GHR: variants seen among roughly 807,000 people sequenced by gnomAD.
GHR encodes the protein growth hormone receptor, also known as GH receptor.
Under a neutral mutation model 67.1 loss-of-function variants are expected in GHR, and 35 were observed. The ratio of observed to expected loss-of-function variants is 0.52; its 90% CI spans 0.40 to 0.69. The LOEUF (loss-of-function observed/expected upper bound fraction) is 0.69, where lower values mean the gene tolerates loss of function less well. Ranked by LOEUF, GHR falls within the 30% of genes least tolerant of loss-of-function variation. The pLI is 0.00. For synonymous variants in GHR, 272 were observed against 269.1 expected, an observed-to-expected ratio of 1.01 and a Z score of -0.10; for missense variants, 792 against 764.6, an observed-to-expected ratio of 1.04 and a Z score of -0.42.
At chr5:42,664,038 G>A (rs1353062526) in intron 3 of GHR, among the ~76,000 whole-genome samples, 1 of 152,162 alleles carries the variant, frequency 6.6e-6, no homozygotes, top group Non-Finnish European at 1.5e-5. Context: ...ACTTACAAGG[G>A]ACATGAAGGA....
intron 1 of GHR, among the ~76,000 whole-genome samples, chr5:42,456,605 TAAAC>T (rs756483060): frequency 6.6e-5 from 10 of 152,208 alleles, no homozygotes; most frequent in Admixed American, 1.3e-4. Context: ...TGGTAAAAAT[TAAAC>T]AAAGTAAACG....
intron 2 of GHR, among the ~76,000 whole-genome samples, chr5:42,578,620 G>A (rs963065981): frequency 2.6e-5 from 4 of 152,146 alleles, no homozygotes; most frequent in African/African-American, 7.2e-5. Context: ...TACAGTTGAA[G>A]CTCTATAACA....
intron 2 of GHR, among the ~76,000 whole-genome samples, chr5:42,600,918 C>CTTTTTTT (rs933355797): frequency 0.021 from 1,422 of 66,784 alleles, 16 homozygotes; most frequent in Middle Eastern, 0.03. Context: ...TCTTTCTATT[C>CTTTTTTT]TTTTTTTTTT....
At chr5:42,443,222 T>C (rs1743656851) in intron 1 of GHR, among the ~76,000 whole-genome samples, 1 of 152,192 alleles carries the variant, frequency 6.6e-6, no homozygotes, top group Non-Finnish European at 1.5e-5. Context: ...GTCTTGAGCC[T>C]AGTTGAAATT....
rs761241887 is a variant in GHR, at chr5:42,688,757, G to A, written c.137-133G>A. 125 of 859,916 alleles carry A rather than the reference G, an allele frequency of 1.5e-4. 1 individual carries two copies. The highest frequency in any genetic ancestry group is 9.7e-4 in the Middle Eastern group (3 of 3,080). 53.3% of individuals were successfully genotyped at this position (859,916 alleles called of 1,614,324 possible). ...GAAAAATGCTTTTCTGGAAGACATCGGCATTACCTCCTAGACACGGAATAC... is the reference window on the plus strand; with the variant it reads ...GAAAAATGCTTTTCTGGAAGACATCAGCATTACCTCCTAGACACGGAATAC... On this transcript the variant is annotated intron_variant, in intron 3 of 9. Coordinates refer to ENST00000230882, the MANE Select transcript of GHR (RefSeq NM_000163.5).
intron 2 of GHR, among the ~76,000 whole-genome samples, chr5:42,571,461 A>T (rs1750309406): frequency 6.6e-6 from 1 of 152,202 alleles, no homozygotes; most frequent in South Asian, 2.1e-4. Flanking sequence ...TGTCATTGCT[A>T]GAGTATGTAC....
At chr5:42,442,800 CA>C (rs1343618140) in intron 1 of GHR, among the ~76,000 whole-genome samples, 3 of 152,132 alleles carry the variant, frequency 2.0e-5, no homozygotes, top group Non-Finnish European at 4.4e-5. Context: ...AACACAAACA[CA>C]GAAAGAAGTT....
intron 6 of GHR, among the ~76,000 whole-genome samples, chr5:42,700,842 GT>G (rs1757897537): frequency 6.6e-6 from 1 of 152,134 alleles, no homozygotes. Flanking sequence ...GGAAAGTTAA[GT>G]TTGGAGGAAA....
intron 1 of GHR, among the ~76,000 whole-genome samples, chr5:42,484,567 T>G (rs890363344): frequency 3.3e-5 from 5 of 152,232 alleles, no homozygotes; most frequent in Non-Finnish European, 7.3e-5. Flanking sequence ...CTCTTTTGTC[T>G]TCAGTGTGAC....
chr5:42,465,965 A>G, intron 1 of GHR: 1 of 662,820 alleles, frequency 1.5e-6, no homozygotes, highest in South Asian at 1.8e-5. Context: ...TTCACCGTGA[A>G]GTTGTTGAGC....
At chr5:42,589,857 A>G (rs1405167009) in intron 2 of GHR, among the ~76,000 whole-genome samples, 2 of 152,226 alleles carry the variant, frequency 1.3e-5, no homozygotes, top group African/African-American at 2.4e-5. Flanking sequence ...GGAAAGAGCC[A>G]GTGAAATAAA....
intron 2 of GHR, among the ~76,000 whole-genome samples, chr5:42,579,077 AGATAGAT>A (rs1451504603): frequency 1.4e-4 from 6 of 44,016 alleles, no homozygotes; most frequent in Non-Finnish European, 2.0e-4. Flanking sequence ...CTGACACTAT[AGATAGAT>A]AGATAGATAG....
intron 1 of GHR, among the ~76,000 whole-genome samples, chr5:42,525,766 G>A (rs1453743418): frequency 6.6e-6 from 1 of 152,154 alleles, no homozygotes; most frequent in African/African-American, 2.4e-5. Flanking sequence ...TTCCTGTGCT[G>A]TTCTCATGAT....
chr5:42,541,142 A>C (rs1748499742), intron 1 of GHR, among the ~76,000 whole-genome samples: 1 of 152,192 alleles, frequency 6.6e-6, no homozygotes, highest in African/African-American at 2.4e-5. Context: ...GAAATATAGG[A>C]GTCAACCAAA....
chr5:42,634,118 A>G (rs1580094437), intron 3 of GHR, among the ~76,000 whole-genome samples: 1 of 150,504 alleles, frequency 6.6e-6, no homozygotes, highest in South Asian at 2.1e-4. Context: ...AAATTTTATG[A>G]TCTCTTTGTC....
rs550580613 is a variant in GHR, at chr5:42,622,902, T to G, written c.71-6136T>G. Among the ~76,000 whole-genome samples, 46 of 152,258 alleles carry G rather than the reference T, an allele frequency of 3.0e-4. 1 individual carries two copies. Among genetic ancestry groups the G allele is most frequent in the African/African-American group, 1.1e-3 (44 of 41,556 alleles). Reference sequence around the variant, plus strand: ...AACACCCTTAAAGAACAGAACCCACTGCCTACATGCAGCCTGCACCAGGAG... The same window carrying G: ...AACACCCTTAAAGAACAGAACCCACGGCCTACATGCAGCCTGCACCAGGAG... On this transcript the variant is annotated intron_variant, in intron 2 of 9. Transcript: ENST00000230882.
chr5:42,595,517 T>G (rs902795172), intron 2 of GHR, among the ~76,000 whole-genome samples: 1 of 152,262 alleles, frequency 6.6e-6, no homozygotes. Context: ...ATTATCTTAT[T>G]TCTCAGGTCT....
chr5:42,601,012 C>T (rs569358605), intron 2 of GHR, among the ~76,000 whole-genome samples: 18 of 146,184 alleles, frequency 1.2e-4, no homozygotes, highest in African/African-American at 3.8e-4. Context: ...CTGCAACCTC[C>T]GCCTCCTGGG....
intron 3 of GHR, among the ~76,000 whole-genome samples, chr5:42,642,636 G>A (rs1164794882): frequency 1.3e-5 from 2 of 152,160 alleles, no homozygotes; most frequent in Non-Finnish European, 2.9e-5. Flanking sequence ...TACCTCAAAT[G>A]TACTGAATTG....
Sources: gnomAD v4.1 joint callset for allele counts (sites outside exome capture counted in the v4.1 genomes callset) on GRCh38, gnomAD v4.1.1 for gene constraint, MANE v1.5 for transcripts, NCBI Gene and HGNC (gene_info 2026-07-23, HGNC 2026-07-21) for gene names.